Variants in ZNF737 observed in about 807,000 individuals in gnomAD.
The protein encoded by ZNF737 is zinc finger protein 102 (Y3).
Under a neutral mutation model 11.7 loss-of-function variants are expected in ZNF737, and 13 were observed. The observed-to-expected ratio is 1.11, with a 90% CI of 0.73 to 1.77. ZNF737 has a LOEUF of 1.77. Among genes scored for constraint, ZNF737 ranks in the 40% most tolerant of loss-of-function variants. ZNF737 has a pLI of 0.00. For synonymous variants in ZNF737, 217 were observed against 216.2 expected, an observed-to-expected ratio of 1.00 and a Z score of -0.03; for missense variants, 636 against 638.0, an observed-to-expected ratio of 1.00 and a Z score of 0.03.
chr19:20,560,407 G>A (rs1440070847), intron 1 of ZNF737, among the ~76,000 whole-genome samples: 2 of 138,372 alleles, frequency 1.4e-5, no homozygotes, highest in African/African-American at 5.3e-5. Flanking sequence ...AAACCTCATG[G>A]AATACTCTGT....
intron 3 of ZNF737, among the ~76,000 whole-genome samples, chr19:20,548,391 A>C (rs1371990074): frequency 9.2e-5 from 14 of 152,168 alleles, no homozygotes; most frequent in Non-Finnish European, 2.1e-4. Flanking sequence ...ACCTGAACTA[A>C]TCCAGTGACA....
At chr19:20,561,993 C>A (rs113775702) in intron 1 of ZNF737, among the ~76,000 whole-genome samples, 23 of 152,170 alleles carry the variant, frequency 1.5e-4, no homozygotes, top group African/African-American at 5.1e-4. Context: ...ATGAAACACA[C>A]AGATAATCCT....
downstream of ZNF737, among the ~76,000 whole-genome samples, chr19:20,537,766 C>T (rs765423629): frequency 2.0e-5 from 3 of 152,070 alleles, no homozygotes; most frequent in Non-Finnish European, 2.9e-5. Context: ...CCACCCACCT[C>T]GGCCTCCCAA....
chr19:20,552,360 A>T (rs2562638), intron 3 of ZNF737, 115 bp downstream of exon 3: 37,907 of 602,956 alleles, frequency 0.063, 1,638 homozygotes, highest in East Asian at 0.17. Context: ...AGCTCCCAGG[A>T]ACTATTTTCT....
Position 20,559,592 on chromosome 19 carries a change from A to C in ZNF737, c.4-5757T>G, listed in dbSNP as rs139618197. 2.6e-5 allele frequency among the ~76,000 whole-genome samples: 4 copies of C among 152,336 alleles called. No homozygotes were observed. The East Asian group carries it at 7.7e-4, about 29-fold the overall frequency. ...GGCTATTTTCAAAAAGTCAAAAAAT[A>C]ATAGATGCTGGCAAGGTTGCAGAGA... On this transcript the variant is annotated intron_variant, in intron 1 of 3. Transcript: ENST00000427401.
At chr19:20,556,140 C>T (rs1555761095) in intron 1 of ZNF737, among the ~76,000 whole-genome samples, 1 of 152,154 alleles carries the variant, frequency 6.6e-6, no homozygotes. Flanking sequence ...AAATATGTGC[C>T]ACTGACCTGT....
chr19:20,540,716 G>T lies in ZNF737; in HGVS notation c.*3876C>A. The T allele has an allele frequency of 2.7e-6, 2 of 729,042 alleles. No homozygotes were observed. Among genetic ancestry groups the T allele is most frequent in the Non-Finnish European group, 3.4e-6 (2 of 596,872 alleles). The allele number at this position is 729,042 out of a possible 1,614,324, so 45.2% of individuals were successfully genotyped here. A position where few individuals can be genotyped will look rare whatever the true frequency, so the allele number is the denominator to read the frequency against. On this transcript the variant is annotated 3_prime_UTR_variant, in exon 4 of 4. Coordinates refer to ENST00000427401, the MANE Select transcript of ZNF737 (RefSeq NM_001159293.2). ...GGAGGTTGCCATGAGCTGAGATCAC[G>T]CCACTGCTCTCCAGCCTGGAAGACA...
Position 20,544,310 on chromosome 19 carries a change from C to G in ZNF737, c.*282G>C, listed in dbSNP as rs1968338309. 1 of 1,248,642 alleles carries G rather than the reference C, an allele frequency of 8.0e-7. No individual in the cohort carries two copies. Among genetic ancestry groups the G allele is most frequent in the Non-Finnish European group, 1.0e-6 (1 of 995,404 alleles). The allele number at this position is 1,248,642 out of a possible 1,614,324, so 77.3% of individuals were successfully genotyped here. ...TCTCATATTTAGTAAAAGTTGATAG[C>G]TGGTTAAAGGCTTTCCGACATTCAT... On this transcript the variant is annotated 3_prime_UTR_variant, in exon 4 of 4. Coordinates refer to ENST00000427401, the MANE Select transcript of ZNF737 (RefSeq NM_001159293.2).
intron 1 of ZNF737, among the ~76,000 whole-genome samples, chr19:20,564,902 T>A (rs1969237726): frequency 6.6e-6 from 1 of 151,200 alleles, no homozygotes; most frequent in Admixed American, 6.6e-5. Flanking sequence ...TAAGCAACTA[T>A]AAACTGCCAA....
In ZNF737 at chr19:20,540,437, A is replaced by G. The variant is rs538752386; in HGVS notation, c.*4155T>C. 1.3e-5 allele frequency among the ~76,000 whole-genome samples: 2 copies of G among 152,226 alleles called. No homozygotes were observed. Among genetic ancestry groups the G allele is most frequent in the South Asian group, 4.2e-4 (2 of 4,814 alleles). On this transcript the variant is annotated 3_prime_UTR_variant, in exon 4 of 4. Transcript: ENST00000427401. ...CTGGTAATCCAGGGTATTATCTTAG[A>G]ATGTTGCCTACCCACCTAAATAAAT...
chr19:20,548,272 G>C (rs1277899853), intron 3 of ZNF737, among the ~76,000 whole-genome samples: 26 of 152,110 alleles, frequency 1.7e-4, no homozygotes, highest in Admixed American at 1.7e-3. Flanking sequence ...GATGCCTCTT[G>C]ATTTATAAAC....
intron 1 of ZNF737, among the ~76,000 whole-genome samples, chr19:20,557,869 C>A (rs1318194496): frequency 6.6e-6 from 1 of 152,118 alleles, no homozygotes; most frequent in Non-Finnish European, 1.5e-5. Context: ...CCTGCCTCGG[C>A]CCCACAAAGT....
downstream of ZNF737, among the ~76,000 whole-genome samples, chr19:20,536,437 A>G (rs1967969132): frequency 6.6e-6 from 1 of 152,160 alleles, no homozygotes; most frequent in Non-Finnish European, 1.5e-5. Context: ...TGCCTCTGCT[A>G]TTTCAATGCC....
chr19:20,545,803 T>C lies in ZNF737; in HGVS notation c.400A>G (p.Asn134Asp), dbSNP rs183429790. The C allele has an allele frequency of 6.8e-6, 11 of 1,613,298 alleles. No individual in the cohort carries two copies. The East Asian group carries it at 1.8e-4, about 26-fold the overall frequency. Residue 134 changes from asparagine (N) to aspartate (D), a missense_variant, in exon 4 of 4, where the codon AAC becomes GAC. Coordinates refer to ENST00000427401, the MANE Select transcript of ZNF737 (RefSeq NM_001159293.2). ...CTTTGAGTAGTTGTCAAATATTGGT[T>C]AAGTCCATTATAACCTCTTTTGTGC... ...KVHKRGYNGL[N>D]QYLTTTQSKI...
intron 1 of ZNF737, among the ~76,000 whole-genome samples, chr19:20,554,055 T>C (rs548734356): frequency 1.3e-3 from 204 of 152,324 alleles, no homozygotes; most frequent in African/African-American, 4.7e-3. Context: ...TGTATTTTTC[T>C]AGATAGTAAA....
chr19:20,548,635 A>G (rs1409938511), intron 3 of ZNF737, among the ~76,000 whole-genome samples: 1 of 151,754 alleles, frequency 6.6e-6, no homozygotes, highest in African/African-American at 2.4e-5. Flanking sequence ...TTTTTTTGAG[A>G]CACGGTCTCA....
chr19:20,551,299 A>C (rs1555758286), intron 3 of ZNF737: 1 of 151,812 alleles, frequency 6.6e-6, no homozygotes, highest in South Asian at 2.1e-4. Flanking sequence ...TGTTGTGGTG[A>C]GCACCAGTAA....
At chr19:20,536,369 T>C (rs1178159542), downstream of ZNF737, among the ~76,000 whole-genome samples, 1 of 152,200 alleles carries the variant, frequency 6.6e-6, no homozygotes, top group Non-Finnish European at 1.5e-5. Context: ...TTGTACAACA[T>C]CAAATGCTAA....
chr19:20,551,918 T>C (rs1968688111), intron 3 of ZNF737, among the ~76,000 whole-genome samples: 1 of 147,912 alleles, frequency 6.8e-6, no homozygotes, highest in Non-Finnish European at 1.5e-5. Context: ...AAAATACAAT[T>C]CTAAAATTTA....
Sources: gnomAD v4.1 joint callset for allele counts (sites outside exome capture counted in the v4.1 genomes callset) on GRCh38, gnomAD v4.1.1 for gene constraint, MANE v1.5 for transcripts, NCBI Gene and HGNC (gene_info 2026-07-23, HGNC 2026-07-21) for gene names.